AGBL4: variants seen among roughly 807,000 people sequenced by gnomAD.
AGBL4 encodes AGBL carboxypeptidase 4, also known as cytosolic carboxypeptidase 6.
In AGBL4, 58 loss-of-function variants were observed where a neutral mutation model predicts 66.4. The ratio of observed to expected loss-of-function variants is 0.87; its 90% CI spans 0.71 to 1.09. The LOEUF (loss-of-function observed/expected upper bound fraction) is 1.09, where lower values mean the gene tolerates loss of function less well. Among genes scored for constraint, AGBL4 ranks in the 50% least tolerant of loss-of-function variants. AGBL4 has a pLI of 0.00. For missense variants in AGBL4, 579 were observed against 631.0 expected (o/e 0.92, Z 0.88); for synonymous variants, 234 against 222.9 (o/e 1.05, Z -0.44).
At chr1:49,221,987 T>C (rs1305696887) in intron 4 of AGBL4, among the ~76,000 whole-genome samples, 2 of 152,164 alleles carry the variant, frequency 1.3e-5, no homozygotes, top group Admixed American at 6.6e-5. Context: ...GCAAGATTGC[T>C]CTTACTAACG....
At chr1:49,717,007 T>A (rs1483597767) in intron 2 of AGBL4, among the ~76,000 whole-genome samples, 1 of 152,096 alleles carries the variant, frequency 6.6e-6, no homozygotes, top group Non-Finnish European at 1.5e-5. Context: ...GCAGATGACA[T>A]GATCATAGAT....
intron 3 of AGBL4, among the ~76,000 whole-genome samples, chr1:49,579,402 T>A (rs900878885): frequency 1.3e-5 from 2 of 152,240 alleles, no homozygotes; most frequent in African/African-American, 4.8e-5. Context: ...TTTTTATTTT[T>A]AAAAATTTGT....
At chr1:49,295,150 C>T (rs1644616725) in intron 3 of AGBL4, among the ~76,000 whole-genome samples, 1 of 152,192 alleles carries the variant, frequency 6.6e-6, no homozygotes, top group Non-Finnish European at 1.5e-5. Context: ...CTACCCAAAT[C>T]CTATTCATTC....
chr1:49,529,326 A>G (rs1014158529), intron 3 of AGBL4, among the ~76,000 whole-genome samples: 5 of 152,154 alleles, frequency 3.3e-5, no homozygotes, highest in Non-Finnish European at 7.4e-5. Flanking sequence ...ATCTTGTATT[A>G]CAGTTCAAAA....
intron 3 of AGBL4, among the ~76,000 whole-genome samples, chr1:49,488,559 ACT>A (rs1463790904): frequency 6.6e-6 from 1 of 151,278 alleles, no homozygotes; most frequent in African/African-American, 2.4e-5. Flanking sequence ...ATCCAATGAT[ACT>A]CTTTTAGTTA....
At chr1:48,973,072 A>T (rs1659042925) in intron 5 of AGBL4, among the ~76,000 whole-genome samples, 1 of 152,150 alleles carries the variant, frequency 6.6e-6, no homozygotes, top group African/African-American at 2.4e-5. Context: ...GTCAGGAAAT[A>T]CGTAAACAGA....
chr1:48,701,767 C>A (rs1210804116), intron 6 of AGBL4, among the ~76,000 whole-genome samples: 2 of 152,108 alleles, frequency 1.3e-5, no homozygotes. Flanking sequence ...TTTGAGCACC[C>A]ACCGGATGCC....
chr1:49,788,852 G>T (rs1644523395), intron 2 of AGBL4, among the ~76,000 whole-genome samples: 2 of 152,174 alleles, frequency 1.3e-5, no homozygotes, highest in African/African-American at 2.4e-5. Context: ...ATGCCTGATT[G>T]CCCTAGCCAG....
At chr1:49,288,893 A>G (rs1259855693) in intron 3 of AGBL4, among the ~76,000 whole-genome samples, 1 of 152,180 alleles carries the variant, frequency 6.6e-6, no homozygotes, top group Non-Finnish European at 1.5e-5. Context: ...AAAAAATTAA[A>G]TCCTCTCTAG....
chr1:49,431,807 A>G (rs1645793438), intron 3 of AGBL4, among the ~76,000 whole-genome samples: 2 of 152,184 alleles, frequency 1.3e-5, no homozygotes, highest in Non-Finnish European at 2.9e-5. Flanking sequence ...AAGAGAAAAT[A>G]TGTAGGATAA....
intron 4 of AGBL4, among the ~76,000 whole-genome samples, chr1:49,115,652 G>C (rs1645503767): frequency 6.6e-6 from 1 of 152,096 alleles, no homozygotes; most frequent in South Asian, 2.1e-4. Flanking sequence ...CTATATTTGG[G>C]CTGGGATGAA....
At chr1:48,800,404 T>A (rs1645783141) in intron 6 of AGBL4, among the ~76,000 whole-genome samples, 1 of 152,234 alleles carries the variant, frequency 6.6e-6, no homozygotes, top group Non-Finnish European at 1.5e-5. Flanking sequence ...CCTTGGTTAA[T>A]CTCACTAATG....
At chr1:49,285,168 G>A (rs909450342) in intron 3 of AGBL4, among the ~76,000 whole-genome samples, 16 of 152,044 alleles carry the variant, frequency 1.1e-4, no homozygotes, top group African/African-American at 3.6e-4. Flanking sequence ...ATAACAAACT[G>A]TCTCTCAGAC....
At chr1:49,628,622 T>C (rs1196409079) in intron 3 of AGBL4, among the ~76,000 whole-genome samples, 1 of 152,132 alleles carries the variant, frequency 6.6e-6, no homozygotes, top group Non-Finnish European at 1.5e-5. Flanking sequence ...GGATGAGCAA[T>C]CGACTCCTTC....
intron 3 of AGBL4, among the ~76,000 whole-genome samples, chr1:49,553,671 A>G (rs1461195693): frequency 2.0e-5 from 3 of 152,170 alleles, no homozygotes; most frequent in Non-Finnish European, 4.4e-5. Flanking sequence ...CCACCAGTTT[A>G]TCCCTACCTA....
At chr1:49,953,516 A>G (rs1157091666) in intron 1 of AGBL4, among the ~76,000 whole-genome samples, 4 of 151,976 alleles carry the variant, frequency 2.6e-5, no homozygotes, top group Non-Finnish European at 5.9e-5. Context: ...GAAGGCTGGC[A>G]TATTTTTAAT....
chr1:49,354,600 C>T (rs1366786448), intron 3 of AGBL4, among the ~76,000 whole-genome samples: 1 of 152,106 alleles, frequency 6.6e-6, no homozygotes, highest in African/African-American at 2.4e-5. Flanking sequence ...TAATGACTCC[C>T]AAAAATACAG....
intron 1 of AGBL4, among the ~76,000 whole-genome samples, chr1:49,961,538 ACTTGTT>A (rs1657119808): frequency 6.6e-6 from 1 of 152,082 alleles, no homozygotes; most frequent in Non-Finnish European, 1.5e-5. Flanking sequence ...AATCAATGAA[ACTTGTT>A]CTTTAGGACT....
chr1:48,603,311 AATACAAAAATTAGCT>A (rs1328653181), intron 9 of AGBL4, among the ~76,000 whole-genome samples: 1 of 152,134 alleles, frequency 6.6e-6, no homozygotes, highest in Non-Finnish European at 1.5e-5. Context: ...CTCTACTAAA[AATACAAAAATTAGCT>A]GAGTGTGGTA....
Sources: allele counts gnomAD v4.1 joint callset (sites outside exome capture counted in the v4.1 genomes callset), GRCh38; gene constraint gnomAD v4.1.1; transcripts MANE v1.5; gene names NCBI Gene and HGNC (gene_info 2026-07-23, HGNC 2026-07-21).